The following LUC7L variants were observed in gnomAD, a reference collection of about 807,000 sequenced individuals.
LUC7L encodes the protein LUC7 like, also known as putative RNA-binding protein Luc7-like 1.
Under a neutral mutation model 51.1 loss-of-function variants are expected in LUC7L, and 29 were observed. The observed-to-expected ratio is 0.57, with a 90% CI of 0.42 to 0.77. The LOEUF (loss-of-function observed/expected upper bound fraction) is 0.77, where lower values mean the gene tolerates loss of function less well. LUC7L is among the 30% of genes least tolerant of loss of function. The pLI is 0.00. For synonymous variants in LUC7L, 181 were observed against 180.7 expected (o/e 1.00, Z -0.01); for missense variants, 403 against 511.9 (o/e 0.79, Z 2.05).
chr16:221,242 G>T (rs143362847), intron 2 of LUC7L, among the ~76,000 whole-genome samples: 232 of 128,996 alleles, frequency 1.8e-3, no homozygotes, highest in African/African-American at 6.5e-3. Context: ...ACAGGGTTTC[G>T]CCACGTTGGC....
Position 190,531 on chromosome 16 carries a change from G to T in LUC7L, c.806+10C>A, listed in dbSNP as rs1185546383. The T allele has an allele frequency of 2.5e-6, 4 of 1,613,716 alleles. No homozygotes were observed. Among genetic ancestry groups the T allele is most frequent in the Non-Finnish European group, 3.4e-6 (4 of 1,179,784 alleles). On this transcript the variant is annotated intron_variant, in intron 8 of 9. Coordinates refer to ENST00000293872, the MANE Select transcript of LUC7L (RefSeq NM_201412.3). ...AATTTGAGAACATTTTAATGGACCT[G>T]GAAACCTACCTCCTGCGATCTCTGG...
intron 7 of LUC7L, 32 bp from the exon 8 acceptor site, chr16:190,602 A>G (rs1476105619): frequency 6.2e-7 from 1 of 1,609,554 alleles, no homozygotes; most frequent in Non-Finnish European, 8.5e-7. Context: ...GAACAAGGCC[A>G]GGCATGGTGG....
At chr16:215,027 G>A (rs2049749048) in intron 3 of LUC7L, among the ~76,000 whole-genome samples, 2 of 152,096 alleles carry the variant, frequency 1.3e-5, no homozygotes, top group Non-Finnish European at 2.9e-5. Context: ...CTATGAGCAC[G>A]CCACTGCAAT....
intron 5 of LUC7L, among the ~76,000 whole-genome samples, chr16:203,948 G>A (rs568094987): frequency 1.3e-4 from 19 of 146,996 alleles, no homozygotes; most frequent in Middle Eastern, 4.2e-3. Context: ...CCCGGGAGGC[G>A]GAGGTTGCAG....
chr16:206,109 T>C lies in LUC7L; in HGVS notation c.405A>G (p.Lys135=). 1 of 1,613,530 alleles carries C rather than the reference T, an allele frequency of 6.2e-7. No homozygotes were observed. The highest frequency in any genetic ancestry group is 1.7e-5 in the Admixed American group (1 of 59,852). The change falls in exon 5 of 10, where the codon AAA becomes AAG. Residue 135 remains lysine (K), a synonymous_variant. Coordinates refer to ENST00000293872, the MANE Select transcript of LUC7L (RefSeq NM_201412.3). ...KVHELNEEIG[K]LLAKAEQLGA... ...CTAGCTGTTCGGCTTTAGCAAGGAG[T>C]TTTCCTATTTCTTCATTTAACTCAT...
intron 3 of LUC7L, among the ~76,000 whole-genome samples, chr16:218,957 G>T (rs536521918): frequency 2.0e-5 from 3 of 149,238 alleles, no homozygotes; most frequent in African/African-American, 7.4e-5. Flanking sequence ...AAAAAGGCCG[G>T]GTGTGGTGGC....
At chr16:213,745 C>T (rs939515437) in intron 3 of LUC7L, among the ~76,000 whole-genome samples, 1 of 151,946 alleles carries the variant, frequency 6.6e-6, no homozygotes. Flanking sequence ...GACCAAGTCT[C>T]GCACTGTTTC....
intron 3 of LUC7L, among the ~76,000 whole-genome samples, chr16:215,373 C>A (rs1376042302): frequency 2.0e-5 from 3 of 152,088 alleles, no homozygotes; most frequent in African/African-American, 7.2e-5. Context: ...GTAATCCCAG[C>A]ACTTTGGGAG....
At chr16:201,568 T>G (rs1421053193) in intron 5 of LUC7L, among the ~76,000 whole-genome samples, 2 of 151,734 alleles carry the variant, frequency 1.3e-5, no homozygotes, top group South Asian at 2.1e-4. Flanking sequence ...GCCTCCTGAG[T>G]AGCTGGGACT....
At chr16:212,015 C>T (rs563057650) in intron 3 of LUC7L, among the ~76,000 whole-genome samples, 5 of 152,224 alleles carry the variant, frequency 3.3e-5, no homozygotes, top group African/African-American at 9.6e-5. Flanking sequence ...GCAGAGGGGC[C>T]GGGCGCGGTG....
chr16:228,917 C>T (rs1181550743), intron 1 of LUC7L: 4 of 1,362,450 alleles, frequency 2.9e-6, no homozygotes, highest in Non-Finnish European at 3.9e-6. Flanking sequence ...GTTCTGCCAC[C>T]CGGCTGCCAG....
chr16:220,026 C>T (rs1480159631), intron 3 of LUC7L: 1 of 151,560 alleles, frequency 6.6e-6, no homozygotes, highest in Non-Finnish European at 1.5e-5. Flanking sequence ...AGCGTGCAGA[C>T]ACTGCTATGG....
intron 6 of LUC7L, among the ~76,000 whole-genome samples, chr16:196,818 T>C (rs1277545537): frequency 6.6e-6 from 1 of 151,954 alleles, no homozygotes; most frequent in African/African-American, 2.4e-5. Context: ...TGAGCCACCA[T>C]GCCTGGCCAA....
chr16:223,875 T>C (rs897363187), intron 2 of LUC7L, among the ~76,000 whole-genome samples: 1 of 151,954 alleles, frequency 6.6e-6, no homozygotes, highest in African/African-American at 2.4e-5. Context: ...TTTCATCATG[T>C]TGGCCAGGCT....
At chr16:206,277 G>A (rs2049481608) in intron 4 of LUC7L, 130 bp from the exon 5 acceptor site, 1 of 885,540 alleles carries the variant, frequency 1.1e-6, no homozygotes, top group South Asian at 1.5e-5. Context: ...ACTTAACAAT[G>A]AAGGCATCCT....
chr16:213,662 C>A (rs2049706653), intron 3 of LUC7L, among the ~76,000 whole-genome samples: 2 of 152,138 alleles, frequency 1.3e-5, no homozygotes. Context: ...GCCTCGGCCT[C>A]CCAAAGTGCT....
chr16:196,139 G>A (rs2049142293), intron 6 of LUC7L, among the ~76,000 whole-genome samples: 1 of 152,110 alleles, frequency 6.6e-6, no homozygotes, highest in African/African-American at 2.4e-5. Context: ...CAAGCACTGT[G>A]GCCCACGCCT....
chr16:195,765 G>T (rs1464705891), intron 6 of LUC7L, among the ~76,000 whole-genome samples: 1 of 152,160 alleles, frequency 6.6e-6, no homozygotes, highest in Non-Finnish European at 1.5e-5. Context: ...TTAGCCAGGT[G>T]CAGTGGCTCA....
Position 223,960 on chromosome 16 carries a change from G to A in LUC7L, c.157-3213C>T, listed in dbSNP as rs532849125. Among the ~76,000 whole-genome samples, 16 of 152,050 alleles carry A rather than the reference G, an allele frequency of 1.1e-4. 1 individual carries two copies. In the South Asian group the frequency reaches 3.1e-3, roughly 30 times the overall value. ...CCCGAAGTGCTGGGATTACAGGTAT[G>A]AGCCACCGCACCTGGCCTCATTCAC... is the stretch of plus-strand genomic sequence containing the variant. On this transcript the variant is annotated intron_variant, in intron 2 of 9. Transcript: ENST00000293872.
Sources: allele counts gnomAD v4.1 joint callset (sites outside exome capture counted in the v4.1 genomes callset), GRCh38; gene constraint gnomAD v4.1.1; transcripts MANE v1.5; gene names NCBI Gene and HGNC (gene_info 2026-07-23, HGNC 2026-07-21).